NCKAP5: variants seen among roughly 807,000 people sequenced by gnomAD.
NCKAP5 encodes nck-associated protein 5.
NCKAP5 carries 92 observed loss-of-function variants against 167.0 expected under a neutral mutation model. The observed-to-expected ratio is 0.55, with a 90% CI of 0.47 to 0.66. The LOEUF (loss-of-function observed/expected upper bound fraction) is 0.66. NCKAP5 is among the 30% of genes least tolerant of loss of function. The pLI, the probability that NCKAP5 is intolerant of heterozygous loss-of-function variation, is 0.00. For missense variants in NCKAP5, 2,378 were observed against 2,315.0 expected (o/e 1.03, Z -0.56); for synonymous variants, 891 against 877.4 (o/e 1.02, Z -0.27).
rs1424286909 is a variant in NCKAP5 at position 132,731,985 on chromosome 2, T to C, written c.5195A>G (p.Asn1732Ser). 1 of 1,613,864 alleles carries C rather than the reference T, an allele frequency of 6.2e-7. No individual in the cohort carries two copies. The highest frequency in any genetic ancestry group is 8.5e-7 in the Non-Finnish European group (1 of 1,179,854). ...IGTFPLPDSG[N>S]RSTGRYLCQP... ...GCATAGGTAGCGTCCTGTCGAGCGA[T>C]TTCCCGAGTCTGGGAGTGGAAAGGT... The change falls in exon 17 of 20, where the codon AAT (asparagine) becomes AGT (serine). Residue 1732 changes from asparagine (N) to serine (S), a missense_variant. Around this residue, in one of 3 missense-constraint regions of NCKAP5, gnomAD observed 1,325 missense variants for 1,274.5 expected, o/e 1.04. Coordinates refer to ENST00000409261, the MANE Select transcript of NCKAP5 (RefSeq NM_207363.3).
chr2:133,614,728 G>T, the NCKAP5 span, among the ~76,000 whole-genome samples: 2 of 152,116 alleles, frequency 1.3e-5, no homozygotes, highest in African/African-American at 4.8e-5. Flanking sequence ...ACACTCTGCA[G>T]GATATTATCC....
the NCKAP5 span, among the ~76,000 whole-genome samples, chr2:133,622,639 T>C: frequency 6.6e-6 from 1 of 152,030 alleles, no homozygotes; most frequent in African/African-American, 2.4e-5. Flanking sequence ...TACAAAACAC[T>C]GTTGAAAGAA....
chr2:133,100,283 T>C (rs183992930), intron 6 of NCKAP5, among the ~76,000 whole-genome samples: 2 of 152,350 alleles, frequency 1.3e-5, no homozygotes, highest in Admixed American at 1.3e-4. Flanking sequence ...TGTTAGCTAC[T>C]GATTATTAAT....
chr2:133,045,989 G>A (rs886547110), intron 6 of NCKAP5, among the ~76,000 whole-genome samples: 18 of 152,284 alleles, frequency 1.2e-4, no homozygotes, highest in Admixed American at 5.9e-4. Context: ...GGTGGGTAGC[G>A]TCTACAGTGT....
At chr2:133,456,701 G>GTCTGAAAT (rs1419982873) in intron 3 of NCKAP5, among the ~76,000 whole-genome samples, 1 of 152,150 alleles carries the variant, frequency 6.6e-6, no homozygotes, top group Non-Finnish European at 1.5e-5. Context: ...TAATACATTA[G>GTCTGAAAT]TCTGAAATTA....
chr2:133,440,269 G>T (rs1261511856), intron 3 of NCKAP5, among the ~76,000 whole-genome samples: 3 of 152,170 alleles, frequency 2.0e-5, no homozygotes. Context: ...GGGAGCCTGA[G>T]TACGTTTCCA....
intron 11 of NCKAP5, among the ~76,000 whole-genome samples, chr2:132,809,869 G>A (rs936670495): frequency 1.3e-5 from 2 of 152,212 alleles, no homozygotes; most frequent in African/African-American, 2.4e-5. Context: ...GTATTTTTGT[G>A]TTATAGGTCC....
chr2:133,233,171 C>T (rs1442288420), intron 4 of NCKAP5, among the ~76,000 whole-genome samples: 1 of 152,180 alleles, frequency 6.6e-6, no homozygotes, highest in Non-Finnish European at 1.5e-5. Flanking sequence ...AGGCTGACAA[C>T]ACAACTCCTT....
At chr2:133,589,647 A>AGTG in the NCKAP5 span, among the ~76,000 whole-genome samples, 1 of 152,204 alleles carries the variant, frequency 6.6e-6, no homozygotes, top group African/African-American at 2.4e-5. Context: ...CAGTGAGGTA[A>AGTG]TGTTCAGGCA....
At chr2:133,569,834 G>T (rs1558793628), upstream of NCKAP5, among the ~76,000 whole-genome samples, 1 of 152,212 alleles carries the variant, frequency 6.6e-6, no homozygotes, top group Non-Finnish European at 1.5e-5. Flanking sequence ...AACACAAATT[G>T]TGTATGTCAC....
intron 2 of NCKAP5, among the ~76,000 whole-genome samples, chr2:133,533,419 A>T (rs1685518525): frequency 6.6e-6 from 1 of 152,256 alleles, no homozygotes; most frequent in African/African-American, 2.4e-5. Flanking sequence ...TGCAACCTAT[A>T]GACTACACTT....
At chr2:133,129,272 A>T (rs2082513735) in intron 6 of NCKAP5, among the ~76,000 whole-genome samples, 1 of 146,004 alleles carries the variant, frequency 6.8e-6, no homozygotes, top group East Asian at 2.1e-4. Context: ...CAGTCCCCGG[A>T]GTGTGATGTT....
At chr2:133,053,533 T>C (rs1396746777) in intron 6 of NCKAP5, among the ~76,000 whole-genome samples, 1 of 152,246 alleles carries the variant, frequency 6.6e-6, no homozygotes, top group Non-Finnish European at 1.5e-5. Flanking sequence ...TTTAATTGTA[T>C]GACTTTGTAA....
At chr2:133,516,419 G>C (rs1448043150) in intron 3 of NCKAP5, among the ~76,000 whole-genome samples, 1 of 152,184 alleles carries the variant, frequency 6.6e-6, no homozygotes, top group African/African-American at 2.4e-5. Flanking sequence ...GCTGGTCAAT[G>C]CACAGACCAA....
At chr2:133,009,449 G>A (rs1036546) in intron 6 of NCKAP5, among the ~76,000 whole-genome samples, 107,321 of 151,728 alleles carry the variant, frequency 0.71, 38,349 homozygotes, top group Middle Eastern at 0.82. Context: ...CATTTGAGGC[G>A]TATTAGATGC....
At chr2:132,998,722 C>T (rs768331062) in intron 6 of NCKAP5, among the ~76,000 whole-genome samples, 11 of 152,054 alleles carry the variant, frequency 7.2e-5, no homozygotes, top group East Asian at 1.9e-4. Context: ...TTTATTATTT[C>T]GACGGCTAAT....
chr2:133,523,434 G>A (rs1431259181), intron 2 of NCKAP5, among the ~76,000 whole-genome samples: 1 of 151,962 alleles, frequency 6.6e-6, no homozygotes, highest in Non-Finnish European at 1.5e-5. Flanking sequence ...TATATTAATG[G>A]TATTGCCAGA....
At chr2:133,668,707 A>G in the NCKAP5 span, among the ~76,000 whole-genome samples, 1 of 152,090 alleles carries the variant, frequency 6.6e-6, no homozygotes, top group Admixed American at 6.6e-5. Flanking sequence ...TTGTATTTTT[A>G]TCCTACTTGG....
chr2:133,367,313 A>T (rs1228429258), intron 3 of NCKAP5, among the ~76,000 whole-genome samples: 1 of 152,170 alleles, frequency 6.6e-6, no homozygotes, highest in African/African-American at 2.4e-5. Context: ...GGGTGGGGTG[A>T]GGCAGGACCC....
Sources: gnomAD v4.1 joint callset for allele counts (sites outside exome capture counted in the v4.1 genomes callset) on GRCh38, gnomAD v4.1.1 for gene constraint, gnomAD v4.1.1 regional missense constraint, MANE v1.5 for transcripts, NCBI Gene and HGNC (gene_info 2026-07-23, HGNC 2026-07-21) for gene names.